HMGA2: variants seen among roughly 807,000 people sequenced by gnomAD.
HMGA2 encodes the protein high mobility group AT-hook 2.
A neutral mutation model predicts 19.1 loss-of-function variants in HMGA2; 8 were observed. The observed-to-expected ratio is 0.42, with a 90% CI of 0.25 to 0.76. HMGA2 has a LOEUF of 0.76. Among genes scored for constraint, HMGA2 ranks in the 30% least tolerant of loss-of-function variants. HMGA2 has a pLI of 0.28. For synonymous variants in HMGA2, 60 were observed against 48.8 expected (o/e 1.23, Z -0.96); for missense variants, 109 against 136.3 (o/e 0.80, Z 1.00).
intron 3 of HMGA2, among the ~76,000 whole-genome samples, chr12:65,880,491 T>A (rs533072404): frequency 6.6e-6 from 1 of 152,184 alleles, no homozygotes; most frequent in Non-Finnish European, 1.5e-5. Context: ...TAGAGCTATA[T>A]GGGAAATTAG....
intron 3 of HMGA2, chr12:65,856,433 G>GCCAGGTTT (rs1190238994): frequency 6.6e-6 from 1 of 152,228 alleles, no homozygotes; most frequent in African/African-American, 2.4e-5. Context: ...TCTGACAAGA[G>GCCAGGTTT]CCAGGTTTCC....
At chr12:65,907,162 C>T (rs943559689) in intron 3 of HMGA2, among the ~76,000 whole-genome samples, 14 of 151,936 alleles carry the variant, frequency 9.2e-5, no homozygotes, top group South Asian at 2.1e-4. Flanking sequence ...TTTGGGAGGC[C>T]GAGGCAGGCG....
intron 3 of HMGA2, among the ~76,000 whole-genome samples, chr12:65,900,753 G>A (rs1051453574): frequency 2.0e-5 from 3 of 152,144 alleles, no homozygotes; most frequent in African/African-American, 7.2e-5. Context: ...GGTTAATAAA[G>A]CTAAATATAC....
At chr12:65,846,670 C>T (rs1871247334) in intron 3 of HMGA2, among the ~76,000 whole-genome samples, 1 of 152,174 alleles carries the variant, frequency 6.6e-6, no homozygotes. Context: ...TTGTCTCTTT[C>T]TTGGCTGGAT....
At chr12:65,848,492 G>C (rs549435719) in intron 3 of HMGA2, among the ~76,000 whole-genome samples, 1 of 152,162 alleles carries the variant, frequency 6.6e-6, no homozygotes, top group Non-Finnish European at 1.5e-5. Flanking sequence ...ACAACAACCT[G>C]AAATCCTAGG....
At chr12:65,915,046 G>A (rs2121225141) in intron 3 of HMGA2, 1 of 1,613,454 alleles carries the variant, frequency 6.2e-7, no homozygotes, top group South Asian at 1.1e-5. Context: ...CCATCCTGAT[G>A]TCATATCCAC....
At chr12:65,882,131 T>A (rs953208797) in intron 3 of HMGA2, 3 of 443,154 alleles carry the variant, frequency 6.8e-6, no homozygotes, top group South Asian at 6.2e-5. Flanking sequence ...CCTTAGTCAA[T>A]GACAGAGCTG....
chr12:65,961,269 G>A (rs1011704936), intron 4 of HMGA2, among the ~76,000 whole-genome samples: 1 of 152,192 alleles, frequency 6.6e-6, no homozygotes, highest in African/African-American at 2.4e-5. Flanking sequence ...TAACAGCTTA[G>A]TGACTTTCTG....
intron 3 of HMGA2, among the ~76,000 whole-genome samples, chr12:65,845,996 G>A (rs561589601): frequency 6.6e-6 from 1 of 152,156 alleles, no homozygotes; most frequent in Non-Finnish European, 1.5e-5. Context: ...TCCACCAGAT[G>A]GGGGGCAGGG....
intron 3 of HMGA2, among the ~76,000 whole-genome samples, chr12:65,903,943 G>A (rs1490005628): frequency 1.3e-5 from 2 of 152,246 alleles, no homozygotes; most frequent in African/African-American, 2.4e-5. Flanking sequence ...TGATTTCCTA[G>A]TGGAGATAAA....
At chr12:65,847,366 T>C (rs1871274742) in intron 3 of HMGA2, among the ~76,000 whole-genome samples, 1 of 152,176 alleles carries the variant, frequency 6.6e-6, no homozygotes, top group Non-Finnish European at 1.5e-5. Flanking sequence ...GGTGACCTTA[T>C]TTTTCCTCTT....
intron 3 of HMGA2, chr12:65,842,608 A>G (rs1210942732): frequency 6.5e-7 from 1 of 1,535,404 alleles, no homozygotes; most frequent in South Asian, 1.2e-5. Flanking sequence ...TTTACATTGC[A>G]GCTTAGAAGC....
intron 3 of HMGA2, among the ~76,000 whole-genome samples, chr12:65,950,669 C>T (rs1408008795): frequency 6.6e-6 from 1 of 151,968 alleles, no homozygotes. Context: ...TCTGAATATA[C>T]TAAAATATAC....
chr12:65,893,049 C>A (rs956959813), intron 3 of HMGA2, among the ~76,000 whole-genome samples: 2 of 152,146 alleles, frequency 1.3e-5, no homozygotes, highest in Non-Finnish European at 2.9e-5. Flanking sequence ...GTGTCTATGA[C>A]AGATTTATAC....
intron 3 of HMGA2, chr12:65,948,389 C>T (rs1210401854): frequency 6.6e-6 from 1 of 152,146 alleles, no homozygotes; most frequent in African/African-American, 2.4e-5. Flanking sequence ...AGAATCAACA[C>T]TTAGTTCTGA....
At chr12:65,924,790 C>T (rs1241033010) in intron 3 of HMGA2, among the ~76,000 whole-genome samples, 2 of 152,192 alleles carry the variant, frequency 1.3e-5, no homozygotes, top group Non-Finnish European at 2.9e-5. Flanking sequence ...GAGCAAGACT[C>T]CGTCTCCAAA....
chr12:65,951,268 T>G, intron 3 of HMGA2, 115 bp from the exon 4 acceptor site: 1 of 694,734 alleles, frequency 1.4e-6, no homozygotes, highest in Non-Finnish European at 2.4e-6. Flanking sequence ...CCAGTTGAAC[T>G]TTATACTTTC....
intron 3 of HMGA2, among the ~76,000 whole-genome samples, chr12:65,880,841 T>C (rs1157584891): frequency 2.0e-5 from 3 of 152,230 alleles, no homozygotes; most frequent in Non-Finnish European, 1.5e-5. Flanking sequence ...GATCATTAGG[T>C]ACCTTTCAAG....
chr12:65,923,654 T>A (rs1284435174), intron 3 of HMGA2, among the ~76,000 whole-genome samples: 1 of 152,234 alleles, frequency 6.6e-6, no homozygotes, highest in African/African-American at 2.4e-5. Context: ...AAGAGCCATT[T>A]TCTGGCTTCA....
Sources: gnomAD v4.1 joint callset for allele counts (sites outside exome capture counted in the v4.1 genomes callset) on GRCh38, gnomAD v4.1.1 for gene constraint, MANE v1.5 for transcripts, NCBI Gene and HGNC (gene_info 2026-07-23, HGNC 2026-07-21) for gene names.